The following CAMK2A variants were observed in gnomAD, a reference collection of about 807,000 sequenced individuals.
CAMK2A encodes calcium/calmodulin-dependent protein kinase type II subunit alpha.
CAMK2A carries 7 observed loss-of-function variants against 79.2 expected under a neutral mutation model. That is an observed-to-expected ratio of 0.09 (90% CI 0.05 to 0.17). The LOEUF is 0.17. Among genes scored for constraint, CAMK2A ranks in the 10% least tolerant of loss-of-function variants. CAMK2A has a pLI of 1.00. For synonymous variants in CAMK2A, 242 were observed against 251.7 expected (o/e 0.96, Z 0.36); for missense variants, 214 against 646.4 (o/e 0.33, Z 7.25).
chr5:150,284,855 A>G lies in CAMK2A; in HGVS notation c.62+4709T>C, dbSNP rs1412795536. On this transcript the variant is annotated intron_variant, in intron 1 of 18. Transcript: ENST00000671881. The surrounding 1 kb of genome is among the most constrained non-coding windows in gnomAD (Gnocchi z 5.3). ...TGAGCAGAGCATCTCCATGGTCCTT[A>G]CAATTCTGATGTTCCGGAGGTCTGC... Among the ~76,000 whole-genome samples, 2 of 152,152 alleles carry G rather than the reference A, an allele frequency of 1.3e-5. No individual in the cohort carries two copies. The highest frequency in any genetic ancestry group is 1.5e-5 in the Non-Finnish European group (1 of 68,022).
At chr5:150,260,517 C>A (rs1756261143) in intron 3 of CAMK2A, among the ~76,000 whole-genome samples, 1 of 151,290 alleles carries the variant, frequency 6.6e-6, no homozygotes, top group South Asian at 2.1e-4. Context: ...TGTGTAGAAT[C>A]TGGCAATTCT....
intron 1 of CAMK2A, among the ~76,000 whole-genome samples, chr5:150,275,033 T>C (rs1275434783): frequency 6.6e-6 from 1 of 152,360 alleles, no homozygotes; most frequent in Middle Eastern, 3.4e-3. Flanking sequence ...ATGGTATCAC[T>C]GGCTTCATGT....
intron 13 of CAMK2A, among the ~76,000 whole-genome samples, chr5:150,243,298 T>A (rs1755429102): frequency 6.6e-6 from 1 of 152,078 alleles, no homozygotes; most frequent in South Asian, 2.1e-4. Context: ...CTGGTCTCTA[T>A]CCCCACATCC....
At chr5:150,271,505 C>A (rs937230627) in intron 2 of CAMK2A, among the ~76,000 whole-genome samples, 1 of 152,230 alleles carries the variant, frequency 6.6e-6, no homozygotes, top group Non-Finnish European at 1.5e-5. Context: ...AGGACTGCCA[C>A]GAACCTGCAC....
chr5:150,285,129 A>C (rs2150312207), intron 1 of CAMK2A, among the ~76,000 whole-genome samples: 1 of 152,298 alleles, frequency 6.6e-6, no homozygotes, highest in Non-Finnish European at 1.5e-5. Flanking sequence ...AGTGGGTAAG[A>C]GGGAGGATGT....
At chr5:150,278,742 T>G (rs1757078613) in intron 1 of CAMK2A, among the ~76,000 whole-genome samples, 5 of 145,012 alleles carry the variant, frequency 3.4e-5, no homozygotes, top group African/African-American at 7.8e-5. Flanking sequence ...GGAGGAGGGG[T>G]GGGGGAAGTG....
intron 18 of CAMK2A, 74 bp downstream of exon 18, chr5:150,222,915 C>T (rs1014260081): frequency 1.3e-6 from 2 of 1,485,282 alleles, no homozygotes; most frequent in Non-Finnish European, 9.4e-7. Context: ...AGCAGCTTCC[C>T]CGACGTAACC....
chr5:150,242,011 G>A (rs1174504482), intron 13 of CAMK2A, among the ~76,000 whole-genome samples: 1 of 152,216 alleles, frequency 6.6e-6, no homozygotes, highest in Non-Finnish European at 1.5e-5. Context: ...GACTGCATCA[G>A]ATTCGGACGC....
At chr5:150,239,533 G>A (rs1317934807) in intron 14 of CAMK2A, among the ~76,000 whole-genome samples, 171 bp downstream of exon 14, 1 of 152,014 alleles carries the variant, frequency 6.6e-6, no homozygotes, top group Non-Finnish European at 1.5e-5. Context: ...ACAGAAACAC[G>A]CAAACAACAC....
At chr5:150,281,010 A>G (rs1757191823) in intron 1 of CAMK2A, among the ~76,000 whole-genome samples, 2 of 152,238 alleles carry the variant, frequency 1.3e-5, no homozygotes, top group East Asian at 3.9e-4. Context: ...TCAGCTCTGC[A>G]AAGCAGTCCA....
At chr5:150,253,754 A>G (rs1439262643) in intron 6 of CAMK2A, among the ~76,000 whole-genome samples, 2 of 152,312 alleles carry the variant, frequency 1.3e-5, no homozygotes, top group East Asian at 1.9e-4. Context: ...TCCATCCGCT[A>G]CAACAGAAAG....
At chr5:150,271,004 C>G (rs1756725531) in intron 2 of CAMK2A, among the ~76,000 whole-genome samples, 2 of 152,188 alleles carry the variant, frequency 1.3e-5, no homozygotes, top group African/African-American at 4.8e-5. Context: ...CAGGGACCAC[C>G]TTGGTGCCTG....
intron 1 of CAMK2A, among the ~76,000 whole-genome samples, chr5:150,278,996 G>T (rs1404544265): frequency 1.3e-5 from 2 of 152,168 alleles, no homozygotes; most frequent in African/African-American, 4.8e-5. Flanking sequence ...CCTGCTGGGA[G>T]GACTTGGGCA....
At chr5:150,278,571 G>A (rs909133029) in intron 1 of CAMK2A, among the ~76,000 whole-genome samples, 16 of 152,134 alleles carry the variant, frequency 1.1e-4, no homozygotes, top group African/African-American at 3.9e-4. Flanking sequence ...AGGCCAAGTT[G>A]GGGAGGGCAA....
chr5:150,284,811 G>A lies in CAMK2A; in HGVS notation c.62+4753C>T, dbSNP rs568113015. 1.3e-5 allele frequency among the ~76,000 whole-genome samples: 2 copies of A among 152,218 alleles called. No homozygotes were observed. Among genetic ancestry groups the A allele is most frequent in the African/African-American group, 4.8e-5 (2 of 41,528 alleles). On this transcript the variant is annotated intron_variant, in intron 1 of 18. Coordinates refer to ENST00000671881, the MANE Select transcript of CAMK2A (RefSeq NM_015981.4). The surrounding 1 kb of genome is among the most constrained non-coding windows in gnomAD (Gnocchi z 5.3). ...TGAGTGTTGGCTCCCAGAGACCAAGGCAAGGACCATCTATGCAATGAGCAG... is the reference window on the plus strand; with the variant it reads ...TGAGTGTTGGCTCCCAGAGACCAAGACAAGGACCATCTATGCAATGAGCAG...
intron 16 of CAMK2A, among the ~76,000 whole-genome samples, chr5:150,230,343 G>GAAA (rs35612107): frequency 8.1e-6 from 1 of 123,542 alleles, no homozygotes; most frequent in Non-Finnish European, 1.7e-5. Flanking sequence ...AAAAAAAAGG[G>GAAA]AAAAAAAAAA....
chr5:150,240,684 A>G (rs1462363844), intron 13 of CAMK2A, among the ~76,000 whole-genome samples: 1 of 152,198 alleles, frequency 6.6e-6, no homozygotes, highest in Non-Finnish European at 1.5e-5. Flanking sequence ...ACAGATGAGA[A>G]ACTGAGGCCC....
rs1289046245 is a variant in CAMK2A at position 150,260,021 on chromosome 5, A to G, written c.218-2404T>C. Among the ~76,000 whole-genome samples, 4 of 152,170 alleles carry G rather than the reference A, an allele frequency of 2.6e-5. No individual in the cohort carries two copies. In the East Asian group the frequency reaches 7.7e-4, roughly 29 times the overall value. On this transcript the variant is annotated intron_variant, in intron 3 of 18. Transcript: ENST00000671881. ...AAAATTCAAACATACAGTTAAGTGA[A>G]CACCCAGATATCCACTACCTAGGTT...
In CAMK2A at chr5:150,223,931, C is replaced by T. The variant is rs919174683; in HGVS notation, c.1238-714G>A. On this transcript the variant is annotated intron_variant, in intron 17 of 18. Transcript: ENST00000671881. The surrounding 1 kb of genome is among the most constrained non-coding windows in gnomAD (Gnocchi z 4.1). ...CCTGTCTGAAGTATATCTACTTCTA[C>T]TGTATATCTACTTCTACTGTAGATA... 6.6e-6 allele frequency among the ~76,000 whole-genome samples: 1 copy of T among 152,204 alleles called. No individual in the cohort carries two copies. The highest frequency in any genetic ancestry group is 2.4e-5 in the African/African-American group (1 of 41,458).
Sources: allele counts gnomAD v4.1 joint callset (sites outside exome capture counted in the v4.1 genomes callset), GRCh38; gene constraint gnomAD v4.1.1; non-coding constraint Gnocchi (gnomAD v3.1); transcripts MANE v1.5; gene names NCBI Gene and HGNC (gene_info 2026-07-23, HGNC 2026-07-21).